DMD: variants seen among roughly 807,000 people sequenced by gnomAD.
DMD encodes the protein dystrophin, also known as mutant dystrophin.
DMD carries 63 observed loss-of-function variants against 330.1 expected under a neutral mutation model. The ratio of observed to expected loss-of-function variants is 0.19; its 90% CI spans 0.16 to 0.24. The LOEUF (loss-of-function observed/expected upper bound fraction) is 0.24. Ranked by LOEUF, DMD falls within the 10% of genes least tolerant of loss-of-function variation. The pLI, the probability that DMD is intolerant of heterozygous loss-of-function variation, is 1.00. For synonymous variants in DMD, 1,223 were observed against 959.8 expected (o/e 1.27, Z -5.07); for missense variants, 3,344 against 2,684.1 (o/e 1.25, Z -5.43).
chrX:32,500,881 C>T (rs1257591505), intron 19 of DMD, among the ~76,000 whole-genome samples: 1 of 111,862 alleles, frequency 8.9e-6, no homozygotes, highest in African/African-American at 3.2e-5. Flanking sequence ...AACTTATACA[C>T]AGAATTTATG....
chrX:31,284,293 C>T (rs1230898857), intron 62 of DMD, among the ~76,000 whole-genome samples: 1 of 110,995 alleles, frequency 9.0e-6, no homozygotes, highest in Non-Finnish European at 1.9e-5. Context: ...ATTGACAGGC[C>T]CCAGCAAGCA....
At chrX:31,998,111 C>T (rs1453494742) in intron 44 of DMD, among the ~76,000 whole-genome samples, 3 of 111,078 alleles carry the variant, frequency 2.7e-5, no homozygotes, top group African/African-American at 9.8e-5. Flanking sequence ...GTTTGTCAGC[C>T]CATGACAAAA....
At chrX:32,610,265 C>T (rs1205989598) in intron 12 of DMD, among the ~76,000 whole-genome samples, 1 of 111,321 alleles carries the variant, frequency 9.0e-6, no homozygotes, top group Non-Finnish European at 1.9e-5. Context: ...CTCCCTACAG[C>T]AATGTCTATG....
At chrX:31,409,309 G>T (rs1466422022) in intron 60 of DMD, among the ~76,000 whole-genome samples, 1 of 112,138 alleles carries the variant, frequency 8.9e-6, no homozygotes, top group African/African-American at 3.2e-5. Flanking sequence ...TGCTCACATG[G>T]TATACAGGAT....
chrX:33,125,270 T>C (rs1311233525), intron 1 of DMD, among the ~76,000 whole-genome samples: 1 of 111,010 alleles, frequency 9.0e-6, no homozygotes, highest in Non-Finnish European at 1.9e-5. Flanking sequence ...ATTAAAATAA[T>C]GTGACATTGT....
intron 1 of DMD, among the ~76,000 whole-genome samples, chrX:33,232,586 T>C (rs1180539988): frequency 9.0e-6 from 1 of 111,681 alleles, no homozygotes; most frequent in African/African-American, 3.3e-5. Context: ...ATTTCAATTC[T>C]TTCTCTTCTT....
At position 32,731,169 on chromosome X, in the gene DMD, G is replaced by T. The variant is rs145576439; in HGVS notation, c.650-31876C>A. Among the ~76,000 whole-genome samples the T allele has an allele frequency of 9.9e-3, 1,111 of 112,004 alleles. 34 individuals carry two copies. In the East Asian group the frequency reaches 0.15, roughly 15 times the overall value. On this transcript the variant is annotated intron_variant, in intron 7 of 78. Coordinates refer to ENST00000357033, the MANE Select transcript of DMD (RefSeq NM_004006.3). ...GGTGACGGACAGCACCTGGAAAATCGGGTCACACCCACCCGAATACTGCGT... is the reference window on the plus strand; with the variant it reads ...GGTGACGGACAGCACCTGGAAAATCTGGTCACACCCACCCGAATACTGCGT...
chrX:32,520,476 G>A (rs1173184512), intron 17 of DMD, among the ~76,000 whole-genome samples: 2 of 111,522 alleles, frequency 1.8e-5, no homozygotes, highest in African/African-American at 3.3e-5. Context: ...CAGTATATTG[G>A]ACAGAGAAGG....
At chrX:32,838,096 G>A (rs2079817763) in intron 4 of DMD, among the ~76,000 whole-genome samples, 1 of 111,257 alleles carries the variant, frequency 9.0e-6, no homozygotes, top group South Asian at 3.8e-4. Flanking sequence ...TGAATTAATG[G>A]CTCTAAAAAT....
chrX:33,128,895 A>G (rs1603332066), intron 1 of DMD: 1 of 111,914 alleles, frequency 8.9e-6, no homozygotes, highest in East Asian at 2.8e-4. Context: ...AAAATCTGAA[A>G]CAATCTTAAA....
intron 7 of DMD, among the ~76,000 whole-genome samples, chrX:32,781,460 C>T (rs932210173): frequency 2.2e-4 from 25 of 111,804 alleles, no homozygotes; most frequent in African/African-American, 7.2e-4. Context: ...ATTTGAAAAA[C>T]AGAAGACATT....
chrX:31,446,279 T>C (rs1216579482), intron 59 of DMD, among the ~76,000 whole-genome samples: 1 of 112,229 alleles, frequency 8.9e-6, no homozygotes, highest in East Asian at 2.8e-4. Context: ...TTAAAAACAT[T>C]ACGTTAAGCA....
intron 15 of DMD, among the ~76,000 whole-genome samples, chrX:32,567,814 A>G (rs2051911757): frequency 8.9e-6 from 1 of 112,349 alleles, no homozygotes; most frequent in African/African-American, 3.2e-5. Flanking sequence ...TCCCAAGCTG[A>G]GAGCCATATT....
At chrX:32,102,321 T>C (rs1603625405) in intron 44 of DMD, 1 of 112,173 alleles carries the variant, frequency 8.9e-6, no homozygotes, top group South Asian at 3.6e-4. Context: ...TATTGACACA[T>C]AGTGTGTTGA....
chrX:32,205,010 TACACACACACACA>T (rs2097059636), intron 44 of DMD, among the ~76,000 whole-genome samples: 1 of 53,073 alleles, frequency 1.9e-5, no homozygotes, highest in Non-Finnish European at 3.4e-5. Flanking sequence ...CTCTCTCACA[TACACACACACACA>T]CACACACACA....
chrX:32,628,083 C>T (rs1292134593), intron 11 of DMD, among the ~76,000 whole-genome samples: 1 of 107,746 alleles, frequency 9.3e-6, no homozygotes, highest in African/African-American at 3.4e-5. Flanking sequence ...AAACGTACAA[C>T]AAATTATGTT....
intron 62 of DMD, among the ~76,000 whole-genome samples, chrX:31,291,154 G>A (rs566923350): frequency 9.0e-5 from 10 of 111,189 alleles, no homozygotes; most frequent in African/African-American, 2.9e-4. Context: ...GTGCTATTAC[G>A]CTTTTCATTA....
chrX:32,113,743 C>A (rs1178885928), intron 44 of DMD, among the ~76,000 whole-genome samples: 1 of 111,625 alleles, frequency 9.0e-6, no homozygotes, highest in Non-Finnish European at 1.9e-5. Context: ...ATTTATTGTC[C>A]AATTTTAATT....
chrX:32,751,221 G>A (rs1056990526), intron 7 of DMD, among the ~76,000 whole-genome samples: 2 of 111,345 alleles, frequency 1.8e-5, no homozygotes, highest in African/African-American at 6.5e-5. Flanking sequence ...TGAGAGCTCA[G>A]AAGACAGGAA....
Sources: gnomAD v4.1 joint callset for allele counts (sites outside exome capture counted in the v4.1 genomes callset) on GRCh38, gnomAD v4.1.1 for gene constraint, MANE v1.5 for transcripts, NCBI Gene and HGNC (gene_info 2026-07-23, HGNC 2026-07-21) for gene names.